Variants in GRID1 observed in about 807,000 individuals in gnomAD.
GRID1 encodes the protein glutamate receptor ionotropic, delta-1.
In GRID1, 28 loss-of-function variants were observed where a neutral mutation model predicts 98.0. The ratio of observed to expected loss-of-function variants is 0.29; its 90% CI spans 0.21 to 0.39. The LOEUF (loss-of-function observed/expected upper bound fraction) is 0.39. Among genes scored for constraint, GRID1 ranks in the 10% least tolerant of loss-of-function variants. The pLI is 1.00. For missense variants in GRID1, 1,111 were observed against 1,340.5 expected, an observed-to-expected ratio of 0.83 and a Z score of 2.67; for synonymous variants, 553 against 538.5, an observed-to-expected ratio of 1.03 and a Z score of -0.37.
intron 2 of GRID1, among the ~76,000 whole-genome samples, chr10:86,274,808 T>G (rs1847244097): frequency 6.6e-6 from 1 of 151,798 alleles, no homozygotes; most frequent in Non-Finnish European, 1.5e-5. Flanking sequence ...AAGGAGATTT[T>G]GGGCTGAGAC....
At chr10:85,894,301 T>C (rs546509169) in intron 5 of GRID1, among the ~76,000 whole-genome samples, 1 of 152,264 alleles carries the variant, frequency 6.6e-6, no homozygotes, top group Non-Finnish European at 1.5e-5. Flanking sequence ...TTACCTCATA[T>C]CATATGCAAA....
intron 12 of GRID1, among the ~76,000 whole-genome samples, chr10:85,675,805 A>G (rs960934015): frequency 6.6e-6 from 1 of 152,216 alleles, no homozygotes; most frequent in African/African-American, 2.4e-5. Flanking sequence ...TCAGGTGTTC[A>G]TGAGAAGGAC....
intron 2 of GRID1, among the ~76,000 whole-genome samples, chr10:86,304,140 T>C (rs1004491093): frequency 6.6e-6 from 1 of 152,178 alleles, no homozygotes; most frequent in African/African-American, 2.4e-5. Flanking sequence ...GCTCACTCCA[T>C]TGCACTTCTC....
intron 12 of GRID1, among the ~76,000 whole-genome samples, chr10:85,654,485 CCTG>C (rs1017486174): frequency 5.3e-5 from 8 of 152,238 alleles, no homozygotes; most frequent in Middle Eastern, 3.4e-3. Context: ...TTTTAAATAT[CCTG>C]CTGCTGCCCA....
intron 3 of GRID1, among the ~76,000 whole-genome samples, chr10:86,205,801 T>C (rs897255843): frequency 5.9e-5 from 9 of 152,058 alleles, no homozygotes; most frequent in African/African-American, 1.9e-4. Context: ...CAAATTATGA[T>C]TTTTTTTCAT....
intron 5 of GRID1, among the ~76,000 whole-genome samples, chr10:85,905,095 A>G (rs1488819000): frequency 6.6e-6 from 1 of 152,122 alleles, no homozygotes; most frequent in African/African-American, 2.4e-5. Context: ...CAAATTGATC[A>G]AAACCAGAGA....
chr10:85,678,248 C>T (rs1054598787), intron 12 of GRID1, among the ~76,000 whole-genome samples: 1 of 152,046 alleles, frequency 6.6e-6, no homozygotes, highest in Admixed American at 6.6e-5. Context: ...CGACAAGGTG[C>T]CCCAGGAGAA....
intron 8 of GRID1, among the ~76,000 whole-genome samples, chr10:85,792,742 C>A (rs1590234414): frequency 6.6e-6 from 1 of 152,180 alleles, no homozygotes; most frequent in African/African-American, 2.4e-5. Flanking sequence ...GAAGCCTCTT[C>A]CTCCTGGTAT....
intron 6 of GRID1, among the ~76,000 whole-genome samples, chr10:85,858,614 T>A (rs1019597332): frequency 3.9e-5 from 6 of 152,180 alleles, no homozygotes; most frequent in Admixed American, 3.3e-4. Flanking sequence ...ATACAAGCCA[T>A]TTAGAATTGG....
intron 4 of GRID1, among the ~76,000 whole-genome samples, chr10:86,130,413 C>T (rs112513608): frequency 1.6e-4 from 24 of 152,350 alleles, no homozygotes; most frequent in Middle Eastern, 3.4e-3. Flanking sequence ...TGTTTTCACA[C>T]ACAAATGTTG....
intron 4 of GRID1, among the ~76,000 whole-genome samples, chr10:86,138,189 T>C (rs2131971444): frequency 6.6e-6 from 1 of 152,312 alleles, no homozygotes; most frequent in Middle Eastern, 3.4e-3. Flanking sequence ...CATAGGTTAT[T>C]TCTAGTTTCT....
At chr10:85,967,122 C>T (rs1041598519) in intron 4 of GRID1, among the ~76,000 whole-genome samples, 1 of 152,208 alleles carries the variant, frequency 6.6e-6, no homozygotes, top group Non-Finnish European at 1.5e-5. Context: ...TCTTGCTTCC[C>T]CTTTGCTTTC....
In GRID1 at chr10:85,602,618, T is replaced by G. The variant is rs1842596810; in HGVS notation, c.2685A>C (p.Pro895=). The G allele has an allele frequency of 1.9e-6, 3 of 1,613,950 alleles. No homozygotes were observed. The highest frequency in any genetic ancestry group is 2.5e-6 in the Non-Finnish European group (3 of 1,179,952). ...CCAGGGCCGAGAGCTCAATCGACGC[T>G]GGGGAAATCTGCTTGTGAGCAATGT... The part of the protein sequence containing the change: ...DEDIAHKQIS[P]ASIELSALEM... Residue 895 remains proline, a synonymous_variant, in exon 16 of 16, where the codon CCA becomes CCC. Coordinates refer to ENST00000327946, the MANE Select transcript of GRID1 (RefSeq NM_017551.3).
chr10:85,692,951 G>A (rs763277502), intron 12 of GRID1, among the ~76,000 whole-genome samples: 121 of 152,214 alleles, frequency 7.9e-4, no homozygotes, highest in Non-Finnish European at 1.4e-3. Context: ...AAGTGAAGAT[G>A]CTTTGCTAAG....
chr10:85,787,219 G>C (rs1032521191), intron 8 of GRID1, among the ~76,000 whole-genome samples: 2 of 152,212 alleles, frequency 1.3e-5, no homozygotes, highest in African/African-American at 4.8e-5. Flanking sequence ...AGTCCTGGAA[G>C]GGTTTGGTAA....
chr10:85,800,012 A>C (rs1842561588), intron 8 of GRID1, among the ~76,000 whole-genome samples: 1 of 152,108 alleles, frequency 6.6e-6, no homozygotes, highest in Admixed American at 6.6e-5. Flanking sequence ...GTCAATTAAA[A>C]GACAAAATTA....
intron 12 of GRID1, among the ~76,000 whole-genome samples, chr10:85,673,777 T>C (rs1204559214): frequency 1.3e-5 from 2 of 152,270 alleles, no homozygotes; most frequent in African/African-American, 4.8e-5. Flanking sequence ...ATTGCAATAT[T>C]CACTTTATTG....
intron 4 of GRID1, among the ~76,000 whole-genome samples, chr10:86,086,264 G>C (rs1844054839): frequency 6.6e-6 from 1 of 152,122 alleles, no homozygotes; most frequent in Non-Finnish European, 1.5e-5. Flanking sequence ...CTACTTTGTG[G>C]TTCCATGAGG....
intron 4 of GRID1, among the ~76,000 whole-genome samples, chr10:85,980,073 AC>A (rs1217474580): frequency 2.0e-5 from 3 of 152,198 alleles, no homozygotes; most frequent in Admixed American, 6.5e-5. Flanking sequence ...CATCCTCATT[AC>A]CTTCCAAATA....
Sources: gnomAD v4.1 joint callset for allele counts (sites outside exome capture counted in the v4.1 genomes callset) on GRCh38, gnomAD v4.1.1 for gene constraint, MANE v1.5 for transcripts, NCBI Gene and HGNC (gene_info 2026-07-23, HGNC 2026-07-21) for gene names.